The following ROBO1 variants were observed in gnomAD, a reference collection of about 807,000 sequenced individuals.
ROBO1 encodes the protein roundabout homolog 1.
In ROBO1, 149 loss-of-function variants were observed where a neutral mutation model predicts 195.9. That is an observed-to-expected ratio of 0.76 (90% CI 0.67 to 0.87). The LOEUF (loss-of-function observed/expected upper bound fraction) is 0.87. Among genes scored for constraint, ROBO1 ranks in the 40% least tolerant of loss-of-function variants. The probability of loss-of-function intolerance (pLI) is 0.00; values close to 1 mark genes in which losing one functional copy is unlikely to be tolerated. For synonymous variants in ROBO1, 816 were observed against 733.2 expected, an observed-to-expected ratio of 1.11 and a Z score of -1.82; for missense variants, 1,933 against 2,068.3, an observed-to-expected ratio of 0.93 and a Z score of 1.27.
At chr3:79,345,109 T>A (rs947955122) in intron 2 of ROBO1, among the ~76,000 whole-genome samples, 4 of 152,138 alleles carry the variant, frequency 2.6e-5, no homozygotes, top group African/African-American at 9.7e-5. Flanking sequence ...ATAATCTATA[T>A]GTGATTAAAT....
chr3:78,669,987 C>T lies in ROBO1; in HGVS notation c.1548+109G>A, dbSNP rs1707968894. The T allele has an allele frequency of 1.2e-5, 9 of 727,494 alleles. No individual in the cohort carries two copies. The South Asian group carries it at 1.9e-4, about 16-fold the overall frequency. The allele number at this position is 727,494 out of a possible 1,614,324, so 45.1% of individuals were successfully genotyped here. On this transcript the variant is annotated intron_variant, in intron 11 of 30. Coordinates refer to ENST00000464233, the MANE Select transcript of ROBO1 (RefSeq NM_002941.4). ...ATCAAATTAAAAATATATTACTACT[C>T]TTCATTTAACACTTCATTAATTGCA...
chr3:79,653,904 A>T (rs1441169749), intron 1 of ROBO1, among the ~76,000 whole-genome samples: 1 of 152,024 alleles, frequency 6.6e-6, no homozygotes, highest in East Asian at 1.9e-4. Flanking sequence ...GAAGATTGGA[A>T]GTTCCTTTCC....
At chr3:78,956,205 A>G (rs2107802107) in intron 3 of ROBO1, among the ~76,000 whole-genome samples, 1 of 152,286 alleles carries the variant, frequency 6.6e-6, no homozygotes, top group South Asian at 2.1e-4. Context: ...CTAAAGGGGT[A>G]AGTAAATAAT....
chr3:79,037,996 T>A (rs1204259466), intron 3 of ROBO1, among the ~76,000 whole-genome samples: 1 of 152,142 alleles, frequency 6.6e-6, no homozygotes, highest in Non-Finnish European at 1.5e-5. Context: ...CCAAGAAAGA[T>A]TTTTTTAAAA....
chr3:79,176,139 T>C (rs941274374), intron 2 of ROBO1, among the ~76,000 whole-genome samples: 8 of 152,108 alleles, frequency 5.3e-5, no homozygotes, highest in African/African-American at 1.9e-4. Context: ...TTCCAGGCTA[T>C]GGAGTGTCAA....
intron 2 of ROBO1, among the ~76,000 whole-genome samples, chr3:79,200,115 T>A (rs2081734266): frequency 6.6e-6 from 1 of 151,496 alleles, no homozygotes; most frequent in Non-Finnish European, 1.5e-5. Flanking sequence ...ATGTAAAGGG[T>A]CAAAGCAGGT....
At chr3:79,393,888 T>C (rs1172697680) in intron 2 of ROBO1, among the ~76,000 whole-genome samples, 2 of 152,104 alleles carry the variant, frequency 1.3e-5, no homozygotes, top group African/African-American at 4.8e-5. Flanking sequence ...ATAACATCTG[T>C]GAAGACGGGG....
At chr3:78,919,157 G>A (rs2038798721) in intron 4 of ROBO1, among the ~76,000 whole-genome samples, 1 of 152,114 alleles carries the variant, frequency 6.6e-6, no homozygotes, top group Admixed American at 6.5e-5. Context: ...CAGACCATAG[G>A]GAGATTATGG....
chr3:79,046,836 C>G (rs2078603715), intron 3 of ROBO1, among the ~76,000 whole-genome samples: 1 of 152,162 alleles, frequency 6.6e-6, no homozygotes. Flanking sequence ...ATACTTTGTA[C>G]TTCTCAATCC....
chr3:79,657,980 G>A (rs1270857624), intron 1 of ROBO1, among the ~76,000 whole-genome samples: 1 of 152,096 alleles, frequency 6.6e-6, no homozygotes, highest in Non-Finnish European at 1.5e-5. Context: ...TGTATGTAAT[G>A]TCAGGTGGCT....
At chr3:78,693,694 T>C (rs772998059) in intron 8 of ROBO1, among the ~76,000 whole-genome samples, 1 of 152,218 alleles carries the variant, frequency 6.6e-6, no homozygotes, top group Admixed American at 6.5e-5. Flanking sequence ...TAATACGTAA[T>C]GGATTTTAAA....
At chr3:79,400,277 TAAC>T (rs1473214858) in intron 2 of ROBO1, among the ~76,000 whole-genome samples, 1 of 151,954 alleles carries the variant, frequency 6.6e-6, no homozygotes, top group African/African-American at 2.4e-5. Context: ...GATACATATA[TAAC>T]AACCCCCACA....
At chr3:79,352,422 T>G (rs2035379530) in intron 2 of ROBO1, among the ~76,000 whole-genome samples, 1 of 152,222 alleles carries the variant, frequency 6.6e-6, no homozygotes, top group South Asian at 2.1e-4. Flanking sequence ...ACAACTATAA[T>G]GCATTATCAA....
intron 3 of ROBO1, among the ~76,000 whole-genome samples, chr3:79,025,425 G>T (rs899542825): frequency 2.0e-5 from 3 of 151,900 alleles, no homozygotes; most frequent in Admixed American, 1.3e-4. Flanking sequence ...TTAGAATGAG[G>T]CCAGGGATTC....
intron 3 of ROBO1, among the ~76,000 whole-genome samples, chr3:78,963,718 C>T (rs749391973): frequency 6.6e-6 from 1 of 151,576 alleles, no homozygotes; most frequent in Admixed American, 6.6e-5. Context: ...GGGGTTTCAC[C>T]GTGTTAGCCA....
chr3:79,494,771 A>G (rs930316792), intron 2 of ROBO1, among the ~76,000 whole-genome samples: 1 of 152,228 alleles, frequency 6.6e-6, no homozygotes, highest in East Asian at 1.9e-4. Flanking sequence ...ACAGAAAAAA[A>G]TATTAAATGA....
chr3:78,875,710 T>C (rs750243883), intron 4 of ROBO1, among the ~76,000 whole-genome samples: 6 of 152,060 alleles, frequency 3.9e-5, no homozygotes, highest in Admixed American at 3.3e-4. Context: ...TTCATTCAAT[T>C]TGGTTTTAGG....
chr3:79,620,732 C>A (rs1410122444), intron 1 of ROBO1, among the ~76,000 whole-genome samples: 1 of 152,010 alleles, frequency 6.6e-6, no homozygotes, highest in African/African-American at 2.4e-5. Context: ...CCCTCCTTGG[C>A]AATTGATCAT....
chr3:78,706,737 A>G (rs569724816), intron 8 of ROBO1, among the ~76,000 whole-genome samples: 1 of 152,254 alleles, frequency 6.6e-6, no homozygotes, highest in Middle Eastern at 3.4e-3. Flanking sequence ...TCCCGGAGAA[A>G]TGATAAAGGC....
Sources: gnomAD v4.1 joint callset for allele counts (sites outside exome capture counted in the v4.1 genomes callset) on GRCh38, gnomAD v4.1.1 for gene constraint, MANE v1.5 for transcripts, NCBI Gene and HGNC (gene_info 2026-07-23, HGNC 2026-07-21) for gene names.